OCLN: variants seen among roughly 807,000 people sequenced by gnomAD.
OCLN encodes the protein phosphatase 1, regulatory subunit 115.
OCLN carries 21 observed loss-of-function variants against 47.9 expected under a neutral mutation model. The ratio of observed to expected loss-of-function variants is 0.44; its 90% CI spans 0.31 to 0.63. The LOEUF (loss-of-function observed/expected upper bound fraction) is 0.63. OCLN is among the 30% of genes least tolerant of loss of function. The probability of loss-of-function intolerance (pLI) is 0.08; values close to 1 mark genes in which losing one functional copy is unlikely to be tolerated. For missense variants in OCLN, 360 were observed against 571.0 expected (o/e 0.63, Z 3.77); for synonymous variants, 117 against 198.4 (o/e 0.59, Z 3.45).
chr5:69,533,777 C>G (rs577526370), intron 4 of OCLN, among the ~76,000 whole-genome samples: 2 of 152,100 alleles, frequency 1.3e-5, no homozygotes, highest in Admixed American at 1.3e-4. Flanking sequence ...CTCAGCCTCC[C>G]GAGTAGCTGG....
intron 1 of OCLN, among the ~76,000 whole-genome samples, chr5:69,496,386 C>T (rs111791208): frequency 5.3e-5 from 8 of 152,134 alleles, no homozygotes; most frequent in Admixed American, 2.6e-4. Flanking sequence ...GCGTGAGCCA[C>T]CGCGCCCGGC....
intron 4 of OCLN, among the ~76,000 whole-genome samples, chr5:69,530,973 G>A (rs1769415808): frequency 6.6e-6 from 1 of 152,238 alleles, no homozygotes; most frequent in Admixed American, 6.5e-5. Context: ...GACTCGAAGA[G>A]GAAAGCAGGA....
chr5:69,517,725 G>T (rs979485832), intron 4 of OCLN, among the ~76,000 whole-genome samples: 1 of 152,126 alleles, frequency 6.6e-6, no homozygotes, highest in Admixed American at 6.5e-5. Context: ...AGCCAGGAAG[G>T]CTGTGGTATG....
chr5:69,511,907 C>T (rs1768798894), intron 3 of OCLN, among the ~76,000 whole-genome samples: 1 of 151,796 alleles, frequency 6.6e-6, no homozygotes, highest in Non-Finnish European at 1.5e-5. Flanking sequence ...CCTGTAATCC[C>T]AGCTACTCAG....
chr5:69,522,491 A>G (rs1230802702), intron 4 of OCLN, among the ~76,000 whole-genome samples: 2 of 152,146 alleles, frequency 1.3e-5, no homozygotes, highest in African/African-American at 2.4e-5. Context: ...TATACCATAC[A>G]TTGTCATCAC....
chr5:69,504,822 C>G lies in OCLN; in HGVS notation c.50+528C>G, dbSNP rs567481170. Among the ~76,000 whole-genome samples the G allele has an allele frequency of 7.2e-5, 11 of 152,158 alleles. No homozygotes were observed. In the South Asian group the frequency reaches 2.1e-3, roughly 29 times the overall value. On this transcript the variant is annotated intron_variant, in intron 2 of 8. Coordinates refer to ENST00000396442, the MANE Select transcript of OCLN (RefSeq NM_001205254.2). Reference sequence around the variant, plus strand: ...TGGTGGCGCGCACCTCTAATCCCAGCTACTTGCCTGTAATCCCAGCTACTT... The same window carrying G: ...TGGTGGCGCGCACCTCTAATCCCAGGTACTTGCCTGTAATCCCAGCTACTT...
intron 2 of OCLN, among the ~76,000 whole-genome samples, chr5:69,507,033 T>C (rs976114911): frequency 6.6e-6 from 1 of 152,222 alleles, no homozygotes; most frequent in South Asian, 2.1e-4. Flanking sequence ...CCCTGTGTCC[T>C]CTCCTTTTCT....
At chr5:69,506,169 G>T (rs78422169) in intron 2 of OCLN, among the ~76,000 whole-genome samples, 2 of 152,208 alleles carry the variant, frequency 1.3e-5, no homozygotes, top group Non-Finnish European at 2.9e-5. Flanking sequence ...CAAAAGCCAG[G>T]TGTGGTGGTG....
chr5:69,529,746 G>T (rs912129284), intron 4 of OCLN, among the ~76,000 whole-genome samples: 1 of 152,092 alleles, frequency 6.6e-6, no homozygotes, highest in Non-Finnish European at 1.5e-5. Flanking sequence ...GGGATTACGG[G>T]CGTGCGTCAC....
At chr5:69,504,092 C>A in intron 1 of OCLN, 85 bp from the exon 2 acceptor site, 1 of 679,620 alleles carries the variant, frequency 1.5e-6, no homozygotes, top group Non-Finnish European at 2.7e-6. Flanking sequence ...AGGGTGAGAC[C>A]CTGTCTCGGG....
intron 4 of OCLN, among the ~76,000 whole-genome samples, chr5:69,533,279 T>C (rs532803011): frequency 6.6e-6 from 1 of 152,124 alleles, no homozygotes; most frequent in Admixed American, 6.5e-5. Flanking sequence ...GAAAATTTAT[T>C]TGGGCCAAGG....
intron 1 of OCLN, among the ~76,000 whole-genome samples, chr5:69,494,519 A>G (rs932503174): frequency 2.6e-5 from 4 of 152,256 alleles, no homozygotes; most frequent in African/African-American, 9.6e-5. Context: ...GCTTTAAAAT[A>G]GACATCTTAA....
intron 2 of OCLN, among the ~76,000 whole-genome samples, chr5:69,507,519 C>CAT (rs1352864693): frequency 1.3e-5 from 2 of 152,062 alleles, no homozygotes; most frequent in Non-Finnish European, 2.9e-5. Flanking sequence ...TGCATGTATT[C>CAT]ATAGTTCATC....
intron 3 of OCLN, among the ~76,000 whole-genome samples, chr5:69,510,412 TGG>T (rs1768746564): frequency 6.6e-6 from 1 of 152,162 alleles, no homozygotes; most frequent in African/African-American, 2.4e-5. Flanking sequence ...CTGGGCACGG[TGG>T]CTCATGCTTG....
chr5:69,516,751 A>G (rs1227645384), intron 4 of OCLN, among the ~76,000 whole-genome samples: 1 of 152,084 alleles, frequency 6.6e-6, no homozygotes, highest in South Asian at 2.1e-4. Flanking sequence ...GAGTGTTAGT[A>G]AACTGTTTTT....
intron 1 of OCLN, among the ~76,000 whole-genome samples, chr5:69,496,201 C>G (rs1768283908): frequency 6.6e-6 from 1 of 151,938 alleles, no homozygotes; most frequent in South Asian, 2.1e-4. Flanking sequence ...CGGGTTCACA[C>G]CATTCTCCTG....
At chr5:69,532,584 A>AT (rs562856629) in intron 4 of OCLN, among the ~76,000 whole-genome samples, 4 of 151,648 alleles carry the variant, frequency 2.6e-5, no homozygotes, top group Admixed American at 6.6e-5. Flanking sequence ...TTTTTTTCCA[A>AT]TTTTTTTTCT....
chr5:69,533,508 C>T (rs571107388), intron 4 of OCLN, among the ~76,000 whole-genome samples: 1 of 152,218 alleles, frequency 6.6e-6, no homozygotes, highest in South Asian at 2.1e-4. Flanking sequence ...TGTTAGATTA[C>T]GCGGTTTCTG....
intron 4 of OCLN, among the ~76,000 whole-genome samples, chr5:69,530,125 G>A (rs1162936065): frequency 6.6e-6 from 1 of 152,072 alleles, no homozygotes; most frequent in East Asian, 1.9e-4. Flanking sequence ...GATTGCATGA[G>A]TCCAGGAGTT....
Sources: gnomAD v4.1 joint callset for allele counts (sites outside exome capture counted in the v4.1 genomes callset) on GRCh38, gnomAD v4.1.1 for gene constraint, MANE v1.5 for transcripts, NCBI Gene and HGNC (gene_info 2026-07-23, HGNC 2026-07-21) for gene names.